Variants in IL1RAPL2 observed in about 807,000 individuals in gnomAD.
The protein encoded by IL1RAPL2 is interleukin 1 receptor accessory protein like 2, also known as X-linked interleukin-1 receptor accessory protein-like 2.
Under a neutral mutation model 44.1 loss-of-function variants are expected in IL1RAPL2, and 3 were observed. The ratio of observed to expected loss-of-function variants is 0.07; its 90% CI spans 0.03 to 0.18. The LOEUF is 0.18. Ranked by LOEUF, IL1RAPL2 falls within the 10% of genes least tolerant of loss-of-function variation. IL1RAPL2 has a pLI of 1.00. For missense variants in IL1RAPL2, 391 were observed against 496.4 expected, an observed-to-expected ratio of 0.79 and a Z score of 2.02; for synonymous variants, 181 against 178.8, an observed-to-expected ratio of 1.01 and a Z score of -0.10.
chrX:105,495,611 A>C (rs192261281), intron 6 of IL1RAPL2, among the ~76,000 whole-genome samples: 1 of 111,764 alleles, frequency 8.9e-6, no homozygotes, highest in Non-Finnish European at 1.9e-5. Flanking sequence ...TGATGATTTT[A>C]CATTTGTTGT....
At position 104,781,069 on chromosome X, in the gene IL1RAPL2, A is replaced by ATTT. The variant is rs3081258; in HGVS notation, c.82+122083_82+122085dup. 1.8e-3 allele frequency among the ~76,000 whole-genome samples: 185 copies of ATTT among 104,463 alleles called. 1 individual carries two copies. Among genetic ancestry groups the ATTT allele is most frequent in the East Asian group, 2.7e-3 (9 of 3,290 alleles). The allele number at this position is 104,463 out of a possible 115,157, so 90.7% of individuals were successfully genotyped here. ...AAAGCTTTCTACTTTACTTAGTTTT[A>ATTT]TTTTTTTTTTTGTTAGTCAGAGAGA... On this transcript the variant is annotated intron_variant, in intron 2 of 10. Coordinates refer to ENST00000372582, the MANE Select transcript of IL1RAPL2 (RefSeq NM_017416.2).
intron 2 of IL1RAPL2, among the ~76,000 whole-genome samples, chrX:104,902,351 A>C (rs886311533): frequency 3.6e-5 from 4 of 112,062 alleles, no homozygotes; most frequent in African/African-American, 1.3e-4. Context: ...TTTTTCACAA[A>C]ATTACCACTG....
chrX:104,867,123 G>T (rs920777992), intron 2 of IL1RAPL2, among the ~76,000 whole-genome samples: 15 of 107,560 alleles, frequency 1.4e-4, no homozygotes, highest in African/African-American at 5.1e-4. Flanking sequence ...TGTAGTCCCA[G>T]CTACTCGGGA....
intron 2 of IL1RAPL2, among the ~76,000 whole-genome samples, chrX:105,024,940 A>G (rs1434870331): frequency 9.6e-6 from 1 of 104,201 alleles, no homozygotes; most frequent in East Asian, 3.0e-4. Flanking sequence ...TTTTTTTTGG[A>G]TAGAAATACA....
At chrX:105,716,967 A>G (rs1039487861) in intron 6 of IL1RAPL2, among the ~76,000 whole-genome samples, 3 of 111,899 alleles carry the variant, frequency 2.7e-5, no homozygotes, top group Admixed American at 9.5e-5. Context: ...CTGTGTAACA[A>G]ACAGCTTTGG....
At chrX:105,433,985 A>C (rs2035864889) in intron 5 of IL1RAPL2, among the ~76,000 whole-genome samples, 1 of 111,883 alleles carries the variant, frequency 8.9e-6, no homozygotes, top group South Asian at 3.7e-4. Context: ...TGCAAATTGC[A>C]GATCTAACAA....
intron 6 of IL1RAPL2, among the ~76,000 whole-genome samples, chrX:105,656,584 G>A (rs2037679168): frequency 1.8e-5 from 2 of 111,819 alleles, no homozygotes; most frequent in Non-Finnish European, 3.8e-5. Context: ...TCATTTTTTA[G>A]TACACACTTT....
At chrX:105,078,720 G>A (rs1397303805) in intron 2 of IL1RAPL2, among the ~76,000 whole-genome samples, 314 of 29,873 alleles carry the variant, frequency 0.011, 1 homozygote, top group African/African-American at 0.041. Flanking sequence ...ACCTACTCAA[G>A]CCTGAGCAAT....
intron 7 of IL1RAPL2, among the ~76,000 whole-genome samples, chrX:105,722,795 T>A (rs776719485): frequency 1.1e-3 from 120 of 111,440 alleles, no homozygotes; most frequent in African/African-American, 3.7e-3. Context: ...GGCTGGGAAG[T>A]CAAGATCAAG....
Position 105,767,196 on chromosome X carries a change from C to T in IL1RAPL2, c.1596C>T (p.Ser532=), listed in dbSNP as rs1405977116. 8.3e-7 allele frequency: 1 copy of T among 1,210,875 alleles called. No homozygotes were observed. The highest frequency in any genetic ancestry group is 1.1e-6 in the Non-Finnish European group (1 of 894,760). ...ESLKRSIKLL[S]LIKWKGSKSS... is the part of the protein sequence containing the mutation. Reference sequence around the variant, plus strand: ...TAAAGCGTAGCATCAAACTTCTGTCCCTGATCAAGTGGAAGGGATCCAAAA... The same window carrying T: ...TAAAGCGTAGCATCAAACTTCTGTCTCTGATCAAGTGGAAGGGATCCAAAA... The change falls in exon 11 of 11, where the codon TCC becomes TCT. Residue 532 remains serine (S), a synonymous_variant. Coordinates refer to ENST00000372582, the MANE Select transcript of IL1RAPL2 (RefSeq NM_017416.2).
intron 6 of IL1RAPL2, among the ~76,000 whole-genome samples, chrX:105,636,860 A>G (rs1735198035): frequency 9.0e-6 from 1 of 111,182 alleles, no homozygotes; most frequent in Admixed American, 9.6e-5. Flanking sequence ...TGTTGCTTTT[A>G]TAGGGATCTG....
chrX:104,748,342 T>G (rs780178400), intron 2 of IL1RAPL2, among the ~76,000 whole-genome samples: 99 of 112,026 alleles, frequency 8.8e-4, no homozygotes, highest in Non-Finnish European at 1.4e-3. Context: ...AATACATTTC[T>G]TGAAACTGAA....
chrX:104,908,591 G>T lies in IL1RAPL2; in HGVS notation c.82+249596G>T, dbSNP rs765640732. 3.6e-3 allele frequency among the ~76,000 whole-genome samples: 406 copies of T among 111,281 alleles called. 3 individuals carry two copies. The highest frequency in any genetic ancestry group is 0.028 in the Middle Eastern group (6 of 218). ...TTAGTTTGGCTGGATATGAAATTCT[G>T]GGTTGAAAATTCTTTTCTTTAAGAA... On this transcript the variant is annotated intron_variant, in intron 2 of 10. Coordinates refer to ENST00000372582, the MANE Select transcript of IL1RAPL2 (RefSeq NM_017416.2).
At chrX:104,936,649 G>A (rs1029987064) in intron 2 of IL1RAPL2, among the ~76,000 whole-genome samples, 1 of 98,573 alleles carries the variant, frequency 1.0e-5, no homozygotes, top group Admixed American at 1.1e-4. Context: ...TTGAGATGGA[G>A]TCTCGCTCAG....
At chrX:105,580,277 G>C (rs1402576851) in intron 6 of IL1RAPL2, among the ~76,000 whole-genome samples, 1 of 110,756 alleles carries the variant, frequency 9.0e-6, no homozygotes, top group Non-Finnish European at 1.9e-5. Flanking sequence ...AATAGACTTG[G>C]AGAAATATAT....
intron 2 of IL1RAPL2, among the ~76,000 whole-genome samples, chrX:105,058,021 T>G (rs1482746514): frequency 2.8e-5 from 3 of 106,416 alleles, no homozygotes; most frequent in Non-Finnish European, 3.9e-5. Flanking sequence ...CGATCTCGGC[T>G]CACTGCAAGC....
At chrX:105,507,865 T>G (rs1174221944) in intron 6 of IL1RAPL2, among the ~76,000 whole-genome samples, 1 of 112,239 alleles carries the variant, frequency 8.9e-6, no homozygotes, top group Non-Finnish European at 1.9e-5. Context: ...TAAAAATCAT[T>G]ACCTATTTCA....
chrX:104,610,218 G>A (rs981041399), intron 1 of IL1RAPL2, among the ~76,000 whole-genome samples: 1 of 110,996 alleles, frequency 9.0e-6, no homozygotes, highest in Non-Finnish European at 1.9e-5. Context: ...TTGAAAATGG[G>A]CACAAGACCG....
At chrX:105,018,288 C>T (rs2031221704) in intron 2 of IL1RAPL2, among the ~76,000 whole-genome samples, 1 of 111,132 alleles carries the variant, frequency 9.0e-6, no homozygotes, top group Non-Finnish European at 1.9e-5. Flanking sequence ...TACACTCTAG[C>T]CATGAATGAA....
Sources: gnomAD v4.1 joint callset for allele counts (sites outside exome capture counted in the v4.1 genomes callset) on GRCh38, gnomAD v4.1.1 for gene constraint, MANE v1.5 for transcripts, NCBI Gene and HGNC (gene_info 2026-07-23, HGNC 2026-07-21) for gene names.